Variants in NCOA7 observed in about 807,000 individuals in gnomAD.
NCOA7 encodes nuclear receptor coactivator 7, also known as 140 kDa estrogen receptor-associated protein.
NCOA7 carries 45 observed loss-of-function variants against 104.3 expected under a neutral mutation model. The ratio of observed to expected loss-of-function variants is 0.43; its 90% CI spans 0.34 to 0.55. NCOA7 has a LOEUF of 0.55. Ranked by LOEUF, NCOA7 falls within the 20% of genes least tolerant of loss-of-function variation. NCOA7 has a pLI of 0.02. For synonymous variants in NCOA7, 398 were observed against 402.3 expected (o/e 0.99, Z 0.13); for missense variants, 1,041 against 1,119.7 (o/e 0.93, Z 1.00).
chr6:125,840,705 G>A (rs573933691), intron 2 of NCOA7, among the ~76,000 whole-genome samples: 10 of 150,502 alleles, frequency 6.6e-5, no homozygotes, highest in African/African-American at 2.5e-4. Flanking sequence ...AAATTGTAGA[G>A]ACAGGGTCTT....
At chr6:125,851,100 T>G (rs1365055142) in intron 2 of NCOA7, among the ~76,000 whole-genome samples, 1 of 152,190 alleles carries the variant, frequency 6.6e-6, no homozygotes, top group Non-Finnish European at 1.5e-5. Context: ...TTTTGGTTAT[T>G]TTTTTATTAT....
At chr6:125,820,982 A>G (rs1256512059) in intron 2 of NCOA7, among the ~76,000 whole-genome samples, 1 of 152,152 alleles carries the variant, frequency 6.6e-6, no homozygotes, top group African/African-American at 2.4e-5. Flanking sequence ...GCTCTATCCC[A>G]GGGTACTTTT....
At position 125,920,984 on chromosome 6, in the gene NCOA7, C is replaced by G. The variant is rs1787522748; in HGVS notation, c.2286C>G (p.Cys762Trp). 6.2e-7 allele frequency: 1 copy of G among 1,613,670 alleles called. No homozygotes were observed. Among genetic ancestry groups the G allele is most frequent in the Non-Finnish European group, 8.5e-7 (1 of 1,179,776 alleles). The change falls in exon 12 of 16, where the codon TGC becomes TGG. Residue 762 changes from cysteine (C) to tryptophan (W), a missense_variant. Cys to Trp is a radical substitution (Grantham distance 215, BLOSUM62 -2). Coordinates refer to ENST00000392477, the MANE Select transcript of NCOA7 (RefSeq NM_181782.5). ...AGGCAAAGCGCAGGAAGAGCACATG[C>G]AGCTACTATGAAGACGAGGACGAAG... ...VEEAKRRKST[C>W]SYYEDEDEEV...
At chr6:125,853,768 T>A (rs1437680749) in intron 2 of NCOA7, among the ~76,000 whole-genome samples, 1 of 152,168 alleles carries the variant, frequency 6.6e-6, no homozygotes, top group African/African-American at 2.4e-5. Context: ...TTAAGCCTAA[T>A]AAAAGATCCT....
At chr6:125,848,409 A>G (rs1004727491) in intron 2 of NCOA7, among the ~76,000 whole-genome samples, 8 of 152,234 alleles carry the variant, frequency 5.3e-5, no homozygotes, top group Admixed American at 4.6e-4. Context: ...CCAAATGTCC[A>G]TCAATGATAG....
chr6:125,875,250 G>T (rs1344446625), intron 4 of NCOA7: 1 of 299,272 alleles, frequency 3.3e-6, no homozygotes, highest in East Asian at 6.3e-5. Flanking sequence ...GACTAGGCAG[G>T]TATCCCTTTC....
chr6:125,886,946 G>A (rs967747735), intron 8 of NCOA7, among the ~76,000 whole-genome samples: 2 of 152,360 alleles, frequency 1.3e-5, no homozygotes, highest in South Asian at 2.1e-4. Flanking sequence ...GGCTGCCACA[G>A]TGAGTAAGAA....
At chr6:125,912,316 A>G (rs1786641457) in intron 10 of NCOA7, among the ~76,000 whole-genome samples, 1 of 152,126 alleles carries the variant, frequency 6.6e-6, no homozygotes, top group African/African-American at 2.4e-5. Flanking sequence ...ATGGCTTCCT[A>G]ATGATTGATA....
At chr6:125,913,722 T>C (rs1443598347) in intron 10 of NCOA7, 12 of 897,456 alleles carry the variant, frequency 1.3e-5, no homozygotes, top group Non-Finnish European at 1.6e-5. Flanking sequence ...GGAAAAGACA[T>C]GATTAATATA....
intron 1 of NCOA7, among the ~76,000 whole-genome samples, chr6:125,792,693 G>C (rs895114440): frequency 1.3e-5 from 2 of 151,776 alleles, no homozygotes; most frequent in African/African-American, 2.4e-5. Flanking sequence ...AAACACATCA[G>C]TTTCCAAATT....
intron 2 of NCOA7, among the ~76,000 whole-genome samples, chr6:125,849,243 ACT>A (rs1477929517): frequency 6.6e-6 from 1 of 152,192 alleles, no homozygotes; most frequent in African/African-American, 2.4e-5. Flanking sequence ...CAGTCGGCTA[ACT>A]CTGGGCTGGA....
At chr6:125,921,949 G>A (rs1162567867) in intron 12 of NCOA7, among the ~76,000 whole-genome samples, 1 of 152,174 alleles carries the variant, frequency 6.6e-6, no homozygotes, top group Non-Finnish European at 1.5e-5. Flanking sequence ...TTAGAGACAT[G>A]AATTTTAGAG....
chr6:125,854,629 A>G (rs1051586088), intron 2 of NCOA7, among the ~76,000 whole-genome samples: 1 of 152,210 alleles, frequency 6.6e-6, no homozygotes, highest in Non-Finnish European at 1.5e-5. Context: ...AGTCAAAAGT[A>G]CCACTGAAAC....
intron 2 of NCOA7, among the ~76,000 whole-genome samples, chr6:125,820,571 T>C (rs769963021): frequency 2.0e-5 from 3 of 152,186 alleles, no homozygotes; most frequent in Non-Finnish European, 2.9e-5. Flanking sequence ...CTTTGTAGCT[T>C]TCGTGTTCAA....
chr6:125,884,421 T>TA (rs1784095349), intron 7 of NCOA7, among the ~76,000 whole-genome samples: 2 of 152,224 alleles, frequency 1.3e-5, no homozygotes, highest in African/African-American at 4.8e-5. Flanking sequence ...CTAGACTCAT[T>TA]AAAAGTACCA....
At chr6:125,836,799 AT>A (rs908027633) in intron 2 of NCOA7, among the ~76,000 whole-genome samples, 1 of 152,250 alleles carries the variant, frequency 6.6e-6, no homozygotes, top group African/African-American at 2.4e-5. Flanking sequence ...CTACTAAAAA[AT>A]AAAAAAGAAC....
chr6:125,853,866 A>G (rs1781333152), intron 2 of NCOA7, among the ~76,000 whole-genome samples: 1 of 152,208 alleles, frequency 6.6e-6, no homozygotes. Context: ...CTGAGGTCAG[A>G]GTTCTCTTAA....
chr6:125,846,716 C>T (rs1380227688), intron 2 of NCOA7, among the ~76,000 whole-genome samples: 1 of 152,222 alleles, frequency 6.6e-6, no homozygotes, highest in East Asian at 1.9e-4. Flanking sequence ...AGAGGGGCTT[C>T]GGGGAGGCCC....
chr6:125,871,307 C>T (rs186022637), intron 3 of NCOA7, among the ~76,000 whole-genome samples: 2 of 152,170 alleles, frequency 1.3e-5, no homozygotes, highest in African/African-American at 4.8e-5. Context: ...CACAATGGAG[C>T]AGTCCTTTCC....
Sources: gnomAD v4.1 joint callset for allele counts (sites outside exome capture counted in the v4.1 genomes callset) on GRCh38, gnomAD v4.1.1 for gene constraint, MANE v1.5 for transcripts, NCBI Gene and HGNC (gene_info 2026-07-23, HGNC 2026-07-21) for gene names.